Variants in GPD2 observed in about 807,000 individuals in gnomAD.
The protein encoded by GPD2 is glycerol-3-phosphate dehydrogenase 2, also known as glycerol-3-phosphate dehydrogenase, mitochondrial.
Under a neutral mutation model 82.4 loss-of-function variants are expected in GPD2, and 54 were observed. The ratio of observed to expected loss-of-function variants is 0.66; its 90% CI spans 0.53 to 0.82. The LOEUF (loss-of-function observed/expected upper bound fraction) is 0.82, where lower values mean the gene tolerates loss of function less well. Among genes scored for constraint, GPD2 ranks in the 40% least tolerant of loss-of-function variants. GPD2 has a pLI of 0.00. For missense variants in GPD2, 748 were observed against 896.2 expected, an observed-to-expected ratio of 0.83 and a Z score of 2.11; for synonymous variants, 288 against 306.1, an observed-to-expected ratio of 0.94 and a Z score of 0.62.
intron 1 of GPD2, 115 bp from the exon 2 acceptor site, chr2:156,475,983 T>A: frequency 1.5e-6 from 1 of 686,900 alleles, no homozygotes. Flanking sequence ...CCTTATTTTA[T>A]GTTTTCTTTT....
chr2:156,514,237 C>A (rs1685114768), intron 6 of GPD2, among the ~76,000 whole-genome samples: 1 of 151,638 alleles, frequency 6.6e-6, no homozygotes, highest in Admixed American at 6.6e-5. Context: ...ACAAAACAGG[C>A]AAAGCCATTT....
chr2:156,408,607 G>A, the GPD2 span, among the ~76,000 whole-genome samples: 2 of 151,380 alleles, frequency 1.3e-5, no homozygotes, highest in Non-Finnish European at 2.9e-5. Context: ...GCATGGTGGT[G>A]TGCACCTCTG....
At chr2:156,562,303 G>A (rs1210739029) in intron 9 of GPD2, among the ~76,000 whole-genome samples, 1 of 152,192 alleles carries the variant, frequency 6.6e-6, no homozygotes, top group African/African-American at 2.4e-5. Flanking sequence ...CTGCAGACCT[G>A]CCTTTTCATT....
chr2:156,407,922 C>A, the GPD2 span, among the ~76,000 whole-genome samples: 1 of 148,760 alleles, frequency 6.7e-6, no homozygotes, highest in South Asian at 2.1e-4. Flanking sequence ...CTTATTTAAT[C>A]CTCTGCTGTC....
At chr2:156,561,453 G>A (rs1237617366) in intron 9 of GPD2, among the ~76,000 whole-genome samples, 2 of 152,050 alleles carry the variant, frequency 1.3e-5, no homozygotes, top group Non-Finnish European at 2.9e-5. Flanking sequence ...CTGATTGTTC[G>A]TTCTGGGTTT....
At chr2:156,567,990 C>T (rs565744039) in intron 9 of GPD2, among the ~76,000 whole-genome samples, 1 of 152,118 alleles carries the variant, frequency 6.6e-6, no homozygotes, top group African/African-American at 2.4e-5. Flanking sequence ...TGGGAGAAGC[C>T]AGTATACCTG....
chr2:156,480,829 G>A (rs1471459715), intron 2 of GPD2, among the ~76,000 whole-genome samples: 1 of 149,564 alleles, frequency 6.7e-6, no homozygotes, highest in Non-Finnish European at 1.5e-5. Context: ...CCAGGCTGGA[G>A]TGCCAGGGGC....
chr2:156,533,837 A>T (rs1364814486), intron 6 of GPD2, among the ~76,000 whole-genome samples: 2 of 152,212 alleles, frequency 1.3e-5, no homozygotes, highest in Non-Finnish European at 2.9e-5. Context: ...GAGGGGGAGC[A>T]CACAGAAGGG....
chr2:156,480,833 C>T (rs1182728792), intron 2 of GPD2, among the ~76,000 whole-genome samples: 1 of 150,162 alleles, frequency 6.7e-6, no homozygotes, highest in Admixed American at 6.6e-5. Flanking sequence ...GCTGGAGTGC[C>T]AGGGGCATGA....
chr2:156,415,310 C>T, the GPD2 span, among the ~76,000 whole-genome samples: 3 of 151,804 alleles, frequency 2.0e-5, no homozygotes, highest in Admixed American at 2.0e-4. Context: ...ACGCGCCCGC[C>T]ACCACTCCCG....
intron 6 of GPD2, among the ~76,000 whole-genome samples, chr2:156,527,542 C>G (rs1305830133): frequency 6.6e-6 from 1 of 152,038 alleles, no homozygotes; most frequent in East Asian, 1.9e-4. Flanking sequence ...ACCTCCCACA[C>G]AAGTTAAATA....
At chr2:156,432,965 G>A (rs1439270416), upstream of GPD2, among the ~76,000 whole-genome samples, 1 of 152,018 alleles carries the variant, frequency 6.6e-6, no homozygotes, top group African/African-American at 2.4e-5. Context: ...GCTGTCCTTT[G>A]GTTGTTCTGG....
At chr2:156,557,825 T>C (rs1687020366) in intron 9 of GPD2, among the ~76,000 whole-genome samples, 1 of 152,194 alleles carries the variant, frequency 6.6e-6, no homozygotes, top group East Asian at 1.9e-4. Flanking sequence ...AATGGCAAGA[T>C]CAGAGTAGCC....
intron 6 of GPD2, among the ~76,000 whole-genome samples, chr2:156,544,049 G>A (rs373976892): frequency 1.3e-5 from 2 of 152,070 alleles, no homozygotes; most frequent in Admixed American, 6.6e-5. Flanking sequence ...AACCACAAAC[G>A]TGAATGGCAT....
At chr2:156,512,086 G>C in intron 4 of GPD2, 134 bp from the exon 5 acceptor site, 1 of 687,836 alleles carries the variant, frequency 1.5e-6, no homozygotes, top group Non-Finnish European at 2.7e-6. Flanking sequence ...TTAGAAATTT[G>C]ATTAGGAGGG....
chr2:156,520,270 A>G lies in GPD2; in HGVS notation c.661+6774A>G, dbSNP rs78535063. Among the ~76,000 whole-genome samples, 1,134 of 152,202 alleles carry G rather than the reference A, an allele frequency of 7.5e-3. 12 individuals carry two copies. The highest frequency in any genetic ancestry group is 0.024 in the Middle Eastern group (7 of 294). On this transcript the variant is annotated intron_variant, in intron 6 of 16. Transcript: ENST00000438166. ...GGGAAAACAGGGATATGAAGTTCTCATTTAGGGCCATGGGCCCAGGCTTGT... is the reference window on the plus strand; with the variant it reads ...GGGAAAACAGGGATATGAAGTTCTCGTTTAGGGCCATGGGCCCAGGCTTGT...
chr2:156,486,385 T>C (rs1387844535), intron 2 of GPD2, among the ~76,000 whole-genome samples: 1 of 152,280 alleles, frequency 6.6e-6, no homozygotes, highest in African/African-American at 2.4e-5. Context: ...GACTGAGCTA[T>C]GATTAACGTT....
chr2:156,520,777 G>A (rs1227027107), intron 6 of GPD2, among the ~76,000 whole-genome samples: 2 of 151,896 alleles, frequency 1.3e-5, no homozygotes, highest in Non-Finnish European at 2.9e-5. Flanking sequence ...GTAGAGATGG[G>A]GTTTCACCAT....
intron 1 of GPD2, among the ~76,000 whole-genome samples, chr2:156,437,701 A>G (rs1323632667): frequency 6.6e-6 from 1 of 152,206 alleles, no homozygotes; most frequent in Non-Finnish European, 1.5e-5. Context: ...CATAGCTTAT[A>G]GAGTCACTTT....
Sources: allele counts gnomAD v4.1 joint callset (sites outside exome capture counted in the v4.1 genomes callset), GRCh38; gene constraint gnomAD v4.1.1; transcripts MANE v1.5; gene names NCBI Gene and HGNC (gene_info 2026-07-23, HGNC 2026-07-21).